The following MAD1L1 variants were observed in gnomAD, a reference collection of about 807,000 sequenced individuals.
MAD1L1 encodes the protein mitotic arrest deficient 1 like 1, also known as mitotic spindle assembly checkpoint protein MAD1.
Under a neutral mutation model 96.9 loss-of-function variants are expected in MAD1L1, and 95 were observed. The observed-to-expected ratio is 0.98, with a 90% CI of 0.83 to 1.16. The LOEUF is 1.16. MAD1L1 is among the 50% of genes most tolerant of loss of function. The pLI is 0.00. For synonymous variants in MAD1L1, 473 were observed against 396.6 expected (o/e 1.19, Z -2.29); for missense variants, 1,007 against 954.4 (o/e 1.06, Z -0.73).
chr7:1,909,533 G>A (rs548526041), intron 17 of MAD1L1, among the ~76,000 whole-genome samples: 1 of 152,334 alleles, frequency 6.6e-6, no homozygotes, highest in South Asian at 2.1e-4. Context: ...GACTGTAGGA[G>A]GTGGGGACGC....
intron 11 of MAD1L1, among the ~76,000 whole-genome samples, chr7:2,115,769 C>T (rs980269914): frequency 6.6e-6 from 1 of 152,254 alleles, no homozygotes. Context: ...AAGGACCTGC[C>T]GCGCATGACC....
At chr7:2,211,964 C>A (rs1435569686) in intron 10 of MAD1L1, among the ~76,000 whole-genome samples, 2 of 152,226 alleles carry the variant, frequency 1.3e-5, no homozygotes, top group African/African-American at 4.8e-5. Context: ...CGCCTCGGCA[C>A]CAGCACCTCG....
chr7:2,008,611 C>CCAGATGCCAAGCCTGCTCGCA (rs978481670), intron 13 of MAD1L1, among the ~76,000 whole-genome samples: 1 of 152,222 alleles, frequency 6.6e-6, no homozygotes, highest in Non-Finnish European at 1.5e-5. Context: ...GCTGGGAACA[C>CCAGATGCCAAGCCTGCTCGCA]CAGATGCCAA....
chr7:2,099,099 G>C (rs910715498), intron 11 of MAD1L1, among the ~76,000 whole-genome samples: 5 of 152,234 alleles, frequency 3.3e-5, no homozygotes, highest in Non-Finnish European at 7.3e-5. Context: ...TGGCTGAAGA[G>C]GGTGAGCTTC....
intron 18 of MAD1L1, among the ~76,000 whole-genome samples, chr7:1,834,412 G>C (rs1272542912): frequency 1.3e-5 from 2 of 152,142 alleles, no homozygotes; most frequent in Non-Finnish European, 2.9e-5. Context: ...AAAGAGAAGA[G>C]ACAAATTATT....
chr7:1,891,729 C>T (rs977970504), intron 18 of MAD1L1, among the ~76,000 whole-genome samples: 5 of 152,010 alleles, frequency 3.3e-5, no homozygotes, highest in African/African-American at 9.7e-5. Flanking sequence ...GATAAGCAGG[C>T]GCCACCACGC....
intron 3 of MAD1L1, among the ~76,000 whole-genome samples, chr7:2,227,147 TAGCCG>T (rs1483664187): frequency 1.3e-5 from 2 of 151,296 alleles, no homozygotes; most frequent in African/African-American, 2.4e-5. Flanking sequence ...CTATGAAAAT[TAGCCG>T]AGTGTGGTGG....
intron 18 of MAD1L1, among the ~76,000 whole-genome samples, chr7:1,897,027 G>C (rs771585940): frequency 2.0e-5 from 3 of 152,272 alleles, no homozygotes; most frequent in Non-Finnish European, 4.4e-5. Context: ...AGAGTTTCAA[G>C]AGTGTAGAAA....
chr7:1,884,849 G>A (rs981584646), intron 18 of MAD1L1, among the ~76,000 whole-genome samples: 2 of 152,222 alleles, frequency 1.3e-5, no homozygotes, highest in South Asian at 2.1e-4. Context: ...AGACGCAGGC[G>A]GGGCAGGCCG....
chr7:1,890,862 A>G (rs548681010), intron 18 of MAD1L1, among the ~76,000 whole-genome samples: 54 of 152,314 alleles, frequency 3.5e-4, no homozygotes, highest in Non-Finnish European at 6.6e-4. Context: ...TCTGACGCCC[A>G]TGTTCTCATT....
intron 12 of MAD1L1, among the ~76,000 whole-genome samples, chr7:2,031,902 C>T (rs1783244266): frequency 6.6e-6 from 1 of 152,260 alleles, no homozygotes; most frequent in Non-Finnish European, 1.5e-5. Flanking sequence ...GGCCACTACT[C>T]AGCCTGAGCA....
intron 18 of MAD1L1, among the ~76,000 whole-genome samples, chr7:1,888,941 A>G (rs1329865573): frequency 6.6e-6 from 1 of 152,202 alleles, no homozygotes; most frequent in Admixed American, 6.5e-5. Flanking sequence ...CTCACTGATG[A>G]GCCATGAAAG....
rs553390758 is a variant in MAD1L1, at chr7:2,050,772, G to C, written c.1218+18422C>G. On this transcript the variant is annotated intron_variant, in intron 12 of 18. Coordinates refer to ENST00000265854, the MANE Select transcript of MAD1L1 (RefSeq NM_001013836.2). The stretch of plus-strand genomic sequence containing the variant: ...CAGTCCTCAGCAGGCCCACCCACCT[G>C]TGCCTCACAGGCCAGGAGCAAACAC... 9.9e-5 allele frequency among the ~76,000 whole-genome samples: 15 copies of C among 152,270 alleles called. No homozygotes were observed. The South Asian group carries it at 2.1e-3, about 21-fold the overall frequency.
intron 18 of MAD1L1, among the ~76,000 whole-genome samples, chr7:1,835,799 T>C: frequency 6.6e-6 from 1 of 152,228 alleles, no homozygotes; most frequent in Non-Finnish European, 1.5e-5. Context: ...ACTGTATTTC[T>C]TGATTATATG....
chr7:1,886,629 A>G (rs1562490107), intron 18 of MAD1L1, among the ~76,000 whole-genome samples: 1 of 152,146 alleles, frequency 6.6e-6, no homozygotes, highest in Non-Finnish European at 1.5e-5. Flanking sequence ...TGCTCTCAAC[A>G]CTTCCAGGAC....
At chr7:2,163,680 G>A (rs1210612853) in intron 10 of MAD1L1, among the ~76,000 whole-genome samples, 6 of 152,062 alleles carry the variant, frequency 3.9e-5, no homozygotes, top group African/African-American at 7.2e-5. Flanking sequence ...ACTTTTCTAC[G>A]TATAATGCAT....
intron 18 of MAD1L1, among the ~76,000 whole-genome samples, chr7:1,830,066 G>A (rs1448840163): frequency 6.6e-6 from 1 of 152,148 alleles, no homozygotes; most frequent in Non-Finnish European, 1.5e-5. Flanking sequence ...ATTAAAGGAA[G>A]CCCTTCAGAC....
intron 16 of MAD1L1, among the ~76,000 whole-genome samples, chr7:1,951,437 C>T (rs1039263838): frequency 8.5e-5 from 13 of 152,178 alleles, no homozygotes; most frequent in African/African-American, 2.2e-4. Context: ...GTGAAACGCA[C>T]GTGACAGGAA....
At chr7:1,950,127 C>T (rs1333322296) in intron 16 of MAD1L1, among the ~76,000 whole-genome samples, 1 of 152,216 alleles carries the variant, frequency 6.6e-6, no homozygotes, top group Admixed American at 6.5e-5. Flanking sequence ...CGTGCATGCC[C>T]ATGCCTGCCC....
Sources: gnomAD v4.1 joint callset for allele counts (sites outside exome capture counted in the v4.1 genomes callset) on GRCh38, gnomAD v4.1.1 for gene constraint, MANE v1.5 for transcripts, NCBI Gene and HGNC (gene_info 2026-07-23, HGNC 2026-07-21) for gene names.